TEP1: variants seen among roughly 807,000 people sequenced by gnomAD.
The protein encoded by TEP1 is telomerase protein component 1.
A neutral mutation model predicts 306.3 loss-of-function variants in TEP1; 241 were observed. The observed-to-expected ratio is 0.79, with a 90% CI of 0.71 to 0.88. The LOEUF is 0.88. Among genes scored for constraint, TEP1 ranks in the 40% least tolerant of loss-of-function variants. TEP1 has a pLI of 0.00. For synonymous variants in TEP1, 1,289 were observed against 1,305.5 expected (o/e 0.99, Z 0.27); for missense variants, 3,051 against 3,276.1 (o/e 0.93, Z 1.68).
Position 20,406,352 on chromosome 14 carries a change from G to A in TEP1, c.616C>T (p.Pro206Ser), listed in dbSNP as rs1879175135. 1 of 1,614,088 alleles carries A rather than the reference G, an allele frequency of 6.2e-7. No individual in the cohort carries two copies. The highest frequency in any genetic ancestry group is 1.1e-5 in the South Asian group (1 of 91,076). ...EEKKGAETQM[P>S]SYSLSLGEEE... is the part of the protein sequence containing the mutation. The stretch of plus-strand genomic sequence containing the variant: ...TCTCCCAAGCTCAGACTATAAGAAG[G>A]CATTTGGGTCTCTGCCCCTTTCTTC... Residue 206 changes from proline to serine, a missense_variant, in exon 3 of 55, where the codon CCT becomes TCT. By Grantham distance (74) the Pro-to-Ser change is moderately conservative. This residue lies in a region of TEP1 where 1,507 missense variants were observed against 1,550.5 expected (regional missense o/e 0.97). Coordinates refer to ENST00000262715, the MANE Select transcript of TEP1 (RefSeq NM_007110.5).
intron 12 of TEP1, among the ~76,000 whole-genome samples, chr14:20,394,628 C>T (rs1213090755): frequency 2.0e-5 from 3 of 152,068 alleles, no homozygotes; most frequent in Non-Finnish European, 2.9e-5. Context: ...TACAGGCACC[C>T]ACCACCACAC....
intron 5 of TEP1, 85 bp from the exon 6 acceptor site, chr14:20,403,969 C>G (rs139494450): frequency 1.9e-6 from 3 of 1,568,004 alleles, no homozygotes; most frequent in East Asian, 4.5e-5. Context: ...TGGAGATACA[C>G]GAGAGCACAG....
At chr14:20,400,690 TAC>T (rs1373643534) in intron 9 of TEP1, 9 of 325,140 alleles carry the variant, frequency 2.8e-5, no homozygotes, top group Admixed American at 2.5e-4. Flanking sequence ...TGGAATGAGT[TAC>T]AGAGATATCG....
In TEP1 at chr14:20,373,056, C is replaced by T. The variant is rs764345884; in HGVS notation, c.6906G>A (p.Gly2302=). Residue 2302 remains glycine, a synonymous_variant, in exon 48 of 55, where the codon GGG becomes GGA. Coordinates refer to ENST00000262715, the MANE Select transcript of TEP1 (RefSeq NM_007110.5). ...GSMAVSGNQA[G]ELILWQEAKA... ...TAGCTTCCTGCCACAAGATTAGTTC[C>T]CCAGCTTGATTTCCAGATACTGCCA... 2.7e-5 allele frequency: 43 copies of T among 1,614,066 alleles called. No individual in the cohort carries two copies. Among genetic ancestry groups the T allele is most frequent in the African/African-American group, 4.0e-5 (3 of 74,916 alleles).
chr14:20,393,591 A>G (rs1877922444), intron 12 of TEP1, among the ~76,000 whole-genome samples: 1 of 152,190 alleles, frequency 6.6e-6, no homozygotes, highest in South Asian at 2.1e-4. Flanking sequence ...TGGGAGTTTG[A>G]GAGCAGCCTG....
At position 20,367,643 on chromosome 14, in the gene TEP1, G is replaced by C. The variant is rs907384022; in HGVS notation, c.*794C>G. The C allele has an allele frequency of 6.7e-6, 1 of 149,512 alleles. No individual in the cohort carries two copies. 9.3% of individuals were successfully genotyped at this position (149,512 alleles called of 1,614,324 possible). On this transcript the variant is annotated 3_prime_UTR_variant, in exon 55 of 55. Transcript: ENST00000262715. ...TTTTTTTTTTTTTAGACAGAGTCTC[G>C]CTCTGTTGCCCAGGCTGGAGTGCAG...
At chr14:20,405,843 A>G (rs1246901280) in intron 3 of TEP1, among the ~76,000 whole-genome samples, 1 of 152,070 alleles carries the variant, frequency 6.6e-6, no homozygotes, top group Non-Finnish European at 1.5e-5. Context: ...GCGAAATCCC[A>G]TCCCTACTGA....
intron 5 of TEP1, among the ~76,000 whole-genome samples, chr14:20,404,356 CAA>C (rs34000493): frequency 3.2e-4 from 31 of 95,478 alleles, no homozygotes; most frequent in Middle Eastern, 6.1e-3. Context: ...ACTCCGTCTC[CAA>C]AAAAAAAAAA....
Position 20,368,404 on chromosome 14 carries a change from C to T in TEP1, c.*33G>A, listed in dbSNP as rs201034676. 4 of 1,608,534 alleles carry T rather than the reference C, an allele frequency of 2.5e-6. No individual in the cohort carries two copies. The highest frequency in any genetic ancestry group is 3.4e-6 in the Non-Finnish European group (4 of 1,175,236). ...GTCTTCAGGCTTTGCATCTCTAGCA[C>T]AAGGGGTATCATTATTCCCGAGTGG... On this transcript the variant is annotated 3_prime_UTR_variant, in exon 55 of 55. Coordinates refer to ENST00000262715, the MANE Select transcript of TEP1 (RefSeq NM_007110.5).
chr14:20,381,336 G>A lies in TEP1; in HGVS notation c.4624C>T (p.Leu1542=). The part of the protein sequence containing the change: ...GTFRSCPPEA[L]GDLPYHLLQS... ...ACCAGGTGGTAAGGCAGGTCTCCCAGAGCCTCAGGAGGGCAACTTCGGAAG... is the reference window on the plus strand; with the variant it reads ...ACCAGGTGGTAAGGCAGGTCTCCCAAAGCCTCAGGAGGGCAACTTCGGAAG... The change falls in exon 32 of 55, where the codon CTG becomes TTG. Residue 1542 remains leucine, a synonymous_variant. Transcript: ENST00000262715. The surrounding 1 kb of genome is among the most constrained non-coding windows in gnomAD (Gnocchi z 4.0). 1 of 1,614,200 alleles carries A rather than the reference G, an allele frequency of 6.2e-7. No individual in the cohort carries two copies. The highest frequency in any genetic ancestry group is 8.5e-7 in the Non-Finnish European group (1 of 1,180,026).
At chr14:20,389,035 G>C (rs1566464469) in intron 17 of TEP1, among the ~76,000 whole-genome samples, 1 of 151,894 alleles carries the variant, frequency 6.6e-6, no homozygotes, top group Non-Finnish European at 1.5e-5. Flanking sequence ...GTAGTCCCAG[G>C]TACTCGGGAG....
Position 20,378,542 on chromosome 14 carries a change from G to A in TEP1, c.5353-7C>T, listed in dbSNP as rs1195053608. The A allele has an allele frequency of 1.2e-6, 2 of 1,614,080 alleles. No homozygotes were observed. The highest frequency in any genetic ancestry group is 1.1e-5 in the South Asian group (1 of 91,082). On this transcript the variant is annotated splice_region_variant and splice_polypyrimidine_tract_variant and intron_variant, in intron 37 of 54. Transcript: ENST00000262715. ...CACGGACTGTGTCCCACAGCTGAGGGAGAGAGAGGAGGAATCAGGATGCTG... is the reference window on the plus strand; with the variant it reads ...CACGGACTGTGTCCCACAGCTGAGGAAGAGAGAGGAGGAATCAGGATGCTG...
intron 16 of TEP1, 84 bp downstream of exon 16, chr14:20,389,526 G>A: frequency 6.4e-7 from 1 of 1,568,914 alleles, no homozygotes; most frequent in East Asian, 2.2e-5. Context: ...TGCCAAGTGG[G>A]AGTGTCCTAT....
Position 20,369,588 on chromosome 14 carries a change from A to G in TEP1, c.7424-12T>C. 1 of 1,614,024 alleles carries G rather than the reference A, an allele frequency of 6.2e-7. No individual in the cohort carries two copies. The highest frequency in any genetic ancestry group is 8.5e-7 in the Non-Finnish European group (1 of 1,179,920). ...CAAAAATGAGGACTCTGCCATTTTA[A>G]GGACAGAATTAGAGCCAAGTCTCAG... On this transcript the variant is annotated splice_polypyrimidine_tract_variant and intron_variant, in intron 52 of 54. Coordinates refer to ENST00000262715, the MANE Select transcript of TEP1 (RefSeq NM_007110.5).
At position 20,405,316 on chromosome 14, in the gene TEP1, C is replaced by G. The variant is rs143634087; in HGVS notation, c.870+135G>C. On this transcript the variant is annotated intron_variant, in intron 4 of 54. Transcript: ENST00000262715. ...TGAACCACAGGGACTAGGCCGCAGA[C>G]TCACCCAGAAATCCTTCCTAAGAGA... The G allele has an allele frequency of 8.2e-4, 1,006 of 1,223,224 alleles. 3 individuals carry two copies. The Middle Eastern group carries it at 9.2e-3, about 11-fold the overall frequency. 75.8% of individuals were successfully genotyped at this position (1,223,224 alleles called of 1,614,324 possible).
chr14:20,387,971 CCT>C lies in TEP1; in HGVS notation c.2616_2617del (p.Val874ProfsTer73), dbSNP rs1241082228. On this transcript the variant is annotated frameshift_variant, in exon 18 of 55. Coordinates refer to ENST00000262715, the MANE Select transcript of TEP1 (RefSeq NM_007110.5). LOFTEE classifies it high-confidence loss of function. Reference sequence around the variant, plus strand: ...TTCCAGTGGCCGGAGAGACTGGACCCCTGTCTTTCCTGGGGGTGGTGGAATCT... The same window carrying C: ...TTCCAGTGGCCGGAGAGACTGGACCCGTCTTTCCTGGGGGTGGTGGAATCT... 2.5e-6 allele frequency: 4 copies of C among 1,614,096 alleles called. No individual in the cohort carries two copies. The highest frequency in any genetic ancestry group is 3.3e-5 in the Admixed American group (2 of 60,010).
chr14:20,401,587 G>A lies in TEP1; in HGVS notation c.1267-6C>T. 6.2e-7 allele frequency: 1 copy of A among 1,613,912 alleles called. No individual in the cohort carries two copies. Among genetic ancestry groups the A allele is most frequent in the African/African-American group, 1.3e-5 (1 of 75,024 alleles). On this transcript the variant is annotated splice_region_variant and splice_polypyrimidine_tract_variant and intron_variant, in intron 7 of 54. Transcript: ENST00000262715. The stretch of plus-strand genomic sequence containing the variant: ...GTATCACCGGCCTTCTCAAACTGTG[G>A]AAACATCCCCAAGTCCCACAGGGGT...
intron 12 of TEP1, among the ~76,000 whole-genome samples, chr14:20,393,875 T>C (rs1877952436): frequency 6.6e-6 from 1 of 151,490 alleles, no homozygotes; most frequent in Non-Finnish European, 1.5e-5. Context: ...TCGCTTGAGC[T>C]CAGGGGTTTG....
chr14:20,409,121 A>C (rs1438585493), intron 1 of TEP1, among the ~76,000 whole-genome samples: 1 of 152,208 alleles, frequency 6.6e-6, no homozygotes, highest in African/African-American at 2.4e-5. Context: ...CCTCTTAGGT[A>C]ACCAAGGAAC....
Sources: gnomAD v4.1 joint callset for allele counts (sites outside exome capture counted in the v4.1 genomes callset) on GRCh38, gnomAD v4.1.1 for gene constraint, gnomAD v4.1.1 regional missense constraint, Gnocchi (gnomAD v3.1) non-coding constraint, MANE v1.5 for transcripts, NCBI Gene and HGNC (gene_info 2026-07-23, HGNC 2026-07-21) for gene names.